The following CMIP variants were observed in gnomAD, a reference collection of about 807,000 sequenced individuals.
CMIP encodes the protein C-Maf-inducing protein.
CMIP carries 13 observed loss-of-function variants against 97.3 expected under a neutral mutation model. The observed-to-expected ratio is 0.13, with a 90% CI of 0.09 to 0.21. The LOEUF is 0.21. Ranked by LOEUF, CMIP falls within the 10% of genes least tolerant of loss-of-function variation. The probability of loss-of-function intolerance (pLI) is 1.00; values close to 1 mark genes in which losing one functional copy is unlikely to be tolerated. For synonymous variants in CMIP, 538 were observed against 436.3 expected (o/e 1.23, Z -2.91); for missense variants, 847 against 1,024.9 (o/e 0.83, Z 2.37).
At position 81,612,126 on chromosome 16, in the gene CMIP, C is replaced by T. The variant is rs894860620; in HGVS notation, c.426+4434C>T. ...AAGTACATAGACAGTGTCATGAAAA[C>T]GTCCTGAAGGTGCTGTCACTGGCCC... On this transcript the variant is annotated intron_variant, in intron 2 of 20. Coordinates refer to ENST00000537098, the MANE Select transcript of CMIP (RefSeq NM_198390.3). Among the ~76,000 whole-genome samples the T allele has an allele frequency of 1.8e-4, 28 of 152,354 alleles. 1 individual carries two copies. In the South Asian group the frequency reaches 5.4e-3, roughly 29 times the overall value.
At position 81,627,808 on chromosome 16, in the gene CMIP, C is replaced by T. The variant is rs1017207090; in HGVS notation, c.477+6882C>T. Among the ~76,000 whole-genome samples the T allele has an allele frequency of 9.2e-5, 14 of 152,264 alleles. No individual in the cohort carries two copies. Among genetic ancestry groups the T allele is most frequent in the African/African-American group, 2.9e-4 (12 of 41,538 alleles). ...CTCGCTTCCACCTCATGAGTGGCTG[C>T]GGCGCCTCGGGAATGAGTCTGTTCC... On this transcript the variant is annotated intron_variant, in intron 3 of 20. Transcript: ENST00000537098. The surrounding 1 kb of genome is among the most constrained non-coding windows in gnomAD (Gnocchi z 4.6).
At chr16:81,538,890 C>G (rs1597526610) in intron 1 of CMIP, among the ~76,000 whole-genome samples, 1 of 151,996 alleles carries the variant, frequency 6.6e-6, no homozygotes, top group East Asian at 1.9e-4. Context: ...AAATTGTGTT[C>G]ATTTTAAATT....
In CMIP at chr16:81,614,185, G is replaced by A. The variant is rs942169403; in HGVS notation, c.426+6493G>A. Among the ~76,000 whole-genome samples the A allele has an allele frequency of 1.3e-5, 2 of 152,172 alleles. No individual in the cohort carries two copies. The highest frequency in any genetic ancestry group is 1.5e-5 in the Non-Finnish European group (1 of 68,022). On this transcript the variant is annotated intron_variant, in intron 2 of 20. Coordinates refer to ENST00000537098, the MANE Select transcript of CMIP (RefSeq NM_198390.3). This position sits in a 1 kb window ranked among gnomAD's most constrained non-coding sequence, Gnocchi z 5.3. ...GGGCAGCGGAGAGAAGGGGGTGACA[G>A]CAGAATGTTCCTGGTGGGGGAGTAC...
chr16:81,624,355 G>C (rs1280061577), intron 3 of CMIP, among the ~76,000 whole-genome samples: 1 of 152,090 alleles, frequency 6.6e-6, no homozygotes, highest in Non-Finnish European at 1.5e-5. Context: ...ATGCTATCTT[G>C]TTTTTGTCAT....
intron 18 of CMIP, among the ~76,000 whole-genome samples, chr16:81,705,223 G>C (rs973342617): frequency 6.6e-6 from 1 of 152,216 alleles, no homozygotes; most frequent in Non-Finnish European, 1.5e-5. Flanking sequence ...GCTAGGGAGA[G>C]ACAAGTTCAA....
intron 7 of CMIP, among the ~76,000 whole-genome samples, chr16:81,667,802 G>GAGAGAGAC (rs1567647143): frequency 7.5e-5 from 7 of 93,710 alleles, no homozygotes; most frequent in African/African-American, 3.5e-4. Context: ...GAGAGAGAGT[G>GAGAGAGAC]TGTGTGTGTG....
intron 10 of CMIP, among the ~76,000 whole-genome samples, chr16:81,684,634 C>G (rs1411395282): frequency 1.3e-5 from 2 of 152,224 alleles, no homozygotes; most frequent in Non-Finnish European, 2.9e-5. Flanking sequence ...TGACCTTTGA[C>G]AAGTGTCTGA....
chr16:81,670,194 C>T lies in CMIP; in HGVS notation c.878C>T (p.Ala293Val). The T allele has an allele frequency of 6.2e-7, 1 of 1,611,852 alleles. No homozygotes were observed. The highest frequency in any genetic ancestry group is 1.1e-5 in the South Asian group (1 of 90,300). Residue 293 changes from alanine (A) to valine (V), a missense_variant, in exon 8 of 21, where the codon GCC (alanine) becomes GTC (valine). Ala to Val is a moderately conservative substitution (Grantham distance 64, BLOSUM62 0). Coordinates refer to ENST00000537098, the MANE Select transcript of CMIP (RefSeq NM_198390.3). ...CTGTTTACTCAGGAGTACATCCTTG[C>T]CTTGAACGAGCTCAACGCGGGGATG... is the stretch of plus-strand genomic sequence containing the variant. ...LRLFTQEYIL[A>V]LNELNAGMEV...
At chr16:81,701,845 A>C in intron 16 of CMIP, 45 bp downstream of exon 16, 1 of 1,608,700 alleles carries the variant, frequency 6.2e-7, no homozygotes, top group Non-Finnish European at 8.5e-7. Flanking sequence ...CCAGCAGGCC[A>C]GGGGGGGCCA....
chr16:81,523,278 C>G (rs759059441), intron 1 of CMIP, among the ~76,000 whole-genome samples: 4 of 152,218 alleles, frequency 2.6e-5, no homozygotes, highest in Non-Finnish European at 5.9e-5. Flanking sequence ...TCCGACGATG[C>G]TCATGTGTTG....
intron 1 of CMIP, among the ~76,000 whole-genome samples, chr16:81,562,790 C>T (rs564882691): frequency 2.0e-5 from 3 of 152,174 alleles, no homozygotes; most frequent in Admixed American, 6.5e-5. Flanking sequence ...TATTTTTTTT[C>T]ATTTTTCAAA....
At chr16:81,584,907 C>A (rs2091356473) in intron 1 of CMIP, among the ~76,000 whole-genome samples, 1 of 152,192 alleles carries the variant, frequency 6.6e-6, no homozygotes, top group African/African-American at 2.4e-5. Flanking sequence ...CTGTTCAGAC[C>A]CCTGTGAAGG....
At chr16:81,527,387 G>A (rs144218924) in intron 1 of CMIP, among the ~76,000 whole-genome samples, 74 of 152,306 alleles carry the variant, frequency 4.9e-4, no homozygotes, top group Middle Eastern at 3.4e-3. Flanking sequence ...CACCAACAGG[G>A]ACATGTTCAT....
intron 1 of CMIP, among the ~76,000 whole-genome samples, chr16:81,445,830 G>C (rs1467708651): frequency 6.6e-6 from 1 of 151,734 alleles, no homozygotes; most frequent in Non-Finnish European, 1.5e-5. Flanking sequence ...CAGCTCTTGT[G>C]TTTCTGGTGG....
chr16:81,563,292 G>C (rs1047174971), intron 1 of CMIP, among the ~76,000 whole-genome samples: 1 of 152,220 alleles, frequency 6.6e-6, no homozygotes, highest in Non-Finnish European at 1.5e-5. Flanking sequence ...GGGATCATGG[G>C]CTCATACCTT....
chr16:81,702,736 G>A (rs1907560696), intron 17 of CMIP, 67 bp downstream of exon 17: 10 of 1,419,566 alleles, frequency 7.0e-6, no homozygotes, highest in Admixed American at 1.8e-5. Context: ...GTTGGGGAAC[G>A]GCAGGTGGTG....
intron 17 of CMIP, among the ~76,000 whole-genome samples, chr16:81,703,553 GCATACACAAA>G (rs1907660124): frequency 6.6e-6 from 1 of 151,580 alleles, no homozygotes; most frequent in South Asian, 2.1e-4. Flanking sequence ...ACAGACACAT[GCATACACAAA>G]CGTGCACACA....
chr16:81,470,990 A>G (rs1401239485), intron 1 of CMIP, among the ~76,000 whole-genome samples: 1 of 151,908 alleles, frequency 6.6e-6, no homozygotes, highest in Non-Finnish European at 1.5e-5. Context: ...AAACGTGCAT[A>G]CACACATGCA....
rs1047146982 is a variant in CMIP at position 81,677,824 on chromosome 16, T to C, written c.1035-451T>C. On this transcript the variant is annotated intron_variant, in intron 9 of 20. Transcript: ENST00000537098. ...CAGGAGAGCAGAGTCCTGGAGGACA[T>C]TGTGGCATGAGGTCAGGGATTGGAG... 1.4e-4 allele frequency among the ~76,000 whole-genome samples: 21 copies of C among 152,070 alleles called. No homozygotes were observed. In the South Asian group the frequency reaches 1.5e-3, roughly 11 times the overall value.
Sources: allele counts gnomAD v4.1 joint callset (sites outside exome capture counted in the v4.1 genomes callset), GRCh38; gene constraint gnomAD v4.1.1; non-coding constraint Gnocchi (gnomAD v3.1); transcripts MANE v1.5; gene names NCBI Gene and HGNC (gene_info 2026-07-23, HGNC 2026-07-21).